RHD: variants seen among roughly 807,000 people sequenced by gnomAD.
RHD encodes the protein blood group Rh(D) polypeptide.
In RHD, 16 loss-of-function variants were observed where a neutral mutation model predicts 45.5. The observed-to-expected ratio is 0.35, with a 90% confidence interval of 0.24 to 0.53. The LOEUF (loss-of-function observed/expected upper bound fraction) is 0.53, where lower values mean the gene tolerates loss of function less well. Ranked by LOEUF, RHD falls within the 20% of genes least tolerant of loss-of-function variation. RHD has a pLI of 0.92. For synonymous variants in RHD, 131 were observed against 217.5 expected, an observed-to-expected ratio of 0.60 and a Z score of 3.50; for missense variants, 306 against 532.0, an observed-to-expected ratio of 0.58 and a Z score of 4.18.
At chr1:25,320,089 G>T (rs1389216138) in intron 8 of RHD, among the ~76,000 whole-genome samples, 1 of 130,750 alleles carries the variant, frequency 7.6e-6, no homozygotes, top group African/African-American at 2.6e-5. Context: ...GTAGAGACAG[G>T]GTTTCTCCAT....
chr1:25,303,879 C>G lies in RHD; in HGVS notation c.939+420C>G, dbSNP rs1322809219. On this transcript the variant is annotated intron_variant, in intron 6 of 9. Transcript: ENST00000328664. ...GTAGTCTTTTGCTTCAAGAAAGCAG[C>G]CTGGTGGATGGAATCTCTTGGCCCC... Among the ~76,000 whole-genome samples the G allele has an allele frequency of 1.6e-5, 2 of 123,082 alleles. 1 individual carries two copies. The highest frequency in any genetic ancestry group is 3.8e-5 in the Non-Finnish European group (2 of 52,402). The allele number at this position is 123,082 out of a possible 152,430, so 80.7% of individuals were successfully genotyped here.
Position 25,291,157 on chromosome 1 carries a change from T to TAGAC in RHD, c.486+369_486+370insCAGA, listed in dbSNP as rs1490320344. ...ATAGGTAGGTGGATAGACAGATAGA[T>TAGAC]AGATAGACAGACAGACAGACAGACA... On this transcript the variant is annotated intron_variant, in intron 3 of 9. Coordinates refer to ENST00000328664, the MANE Select transcript of RHD (RefSeq NM_016124.6). 3.3e-5 allele frequency among the ~76,000 whole-genome samples: 4 copies of TAGAC among 121,806 alleles called. 1 individual carries two copies. Among genetic ancestry groups the TAGAC allele is most frequent in the African/African-American group, 1.3e-4 (4 of 31,700 alleles). 79.9% of individuals were successfully genotyped at this position (121,806 alleles called of 152,430 possible).
intron 7 of RHD, among the ~76,000 whole-genome samples, chr1:25,314,507 T>C (rs1644331225): frequency 7.5e-6 from 1 of 132,652 alleles, no homozygotes; most frequent in Non-Finnish European, 1.8e-5. Flanking sequence ...TCTTTCTTTC[T>C]TTTTGAAACA....
In RHD at chr1:25,274,760, A is replaced by T. The variant is rs1394004308; in HGVS notation, c.148+2065A>T. Among the ~76,000 whole-genome samples the T allele has an allele frequency of 2.2e-5, 3 of 134,216 alleles. 1 individual carries two copies. Among genetic ancestry groups the T allele is most frequent in the African/African-American group, 7.6e-5 (3 of 39,422 alleles). 88.1% of individuals were successfully genotyped at this position (134,216 alleles called of 152,430 possible). ...CGTGGCTCACGCCTGTAATCCCGGC[A>T]CATTGGGAGGCCAAGGCTGGAGAAT... is the stretch of plus-strand genomic sequence containing the variant. On this transcript the variant is annotated intron_variant, in intron 1 of 9. Transcript: ENST00000328664.
rs1196515708 is a variant in RHD, at chr1:25,293,198, TGGA to T, written c.486+2412_486+2414del. ...TTTGCTATAAAGGGGAACAGAGAAATGGAGGAGAAGCAGGAGGGCAATAATCCG... is the reference window on the plus strand; with the variant it reads ...TTTGCTATAAAGGGGAACAGAGAAATGGAGAAGCAGGAGGGCAATAATCCG... On this transcript the variant is annotated intron_variant, in intron 3 of 9. Transcript: ENST00000328664. 2.3e-5 allele frequency among the ~76,000 whole-genome samples: 3 copies of T among 128,974 alleles called. 1 individual carries two copies. The highest frequency in any genetic ancestry group is 5.5e-5 in the Non-Finnish European group (3 of 54,882). 84.6% of individuals were successfully genotyped at this position (128,974 alleles called of 152,430 possible). A position where few individuals can be genotyped will look rare whatever the true frequency, so the allele number is the denominator to read the frequency against.
chr1:25,310,158 G>T (rs1644063965), intron 7 of RHD, among the ~76,000 whole-genome samples: 1 of 132,580 alleles, frequency 7.5e-6, no homozygotes, highest in African/African-American at 2.5e-5. Context: ...AGTCAGTTTT[G>T]TCTGTTTTTG....
At chr1:25,296,614 C>A (rs72660911) in intron 3 of RHD, among the ~76,000 whole-genome samples, 1,362 of 131,614 alleles carry the variant, frequency 0.01, 372 homozygotes, top group Non-Finnish European at 0.02. Context: ...GTAATCCCCA[C>A]GTGTTGAGGG....
intron 7 of RHD, among the ~76,000 whole-genome samples, chr1:25,315,404 T>C (rs1470670000): frequency 7.7e-6 from 1 of 129,782 alleles, no homozygotes; most frequent in African/African-American, 2.7e-5. Context: ...GCTGCCTGAA[T>C]GGTTGGGCAG....
chr1:25,290,486 C>T (rs1347931245), intron 2 of RHD, among the ~76,000 whole-genome samples, 155 bp from the exon 3 acceptor site: 1 of 129,912 alleles, frequency 7.7e-6, no homozygotes, highest in African/African-American at 2.6e-5. Flanking sequence ...GCAGCATCAG[C>T]GCCCAGGTGG....
chr1:25,310,529 A>G (rs1484522487), intron 7 of RHD, among the ~76,000 whole-genome samples: 1 of 131,432 alleles, frequency 7.6e-6, no homozygotes, highest in African/African-American at 2.6e-5. Flanking sequence ...ATAGCAACAG[A>G]ATATGGACAA....
At position 25,274,866 on chromosome 1, in the gene RHD, G is replaced by T. The variant is rs1290889293; in HGVS notation, c.148+2171G>T. On this transcript the variant is annotated intron_variant, in intron 1 of 9. Coordinates refer to ENST00000328664, the MANE Select transcript of RHD (RefSeq NM_016124.6). ...TACTAAAATTATAAAAACTGGCTGG[G>T]TGTGGTGGCACACGTCTATAATCCG... is the stretch of plus-strand genomic sequence containing the variant. Among the ~76,000 whole-genome samples the T allele has an allele frequency of 3.1e-5, 4 of 129,466 alleles. 1 individual carries two copies. Among genetic ancestry groups the T allele is most frequent in the African/African-American group, 1.1e-4 (4 of 38,054 alleles). The allele number at this position is 129,466 out of a possible 152,430, so 84.9% of individuals were successfully genotyped here. A position where few individuals can be genotyped will look rare whatever the true frequency, so the allele number is the denominator to read the frequency against.
At chr1:25,305,883 T>A (rs1273450346) in intron 6 of RHD, among the ~76,000 whole-genome samples, 1 of 131,492 alleles carries the variant, frequency 7.6e-6, no homozygotes, top group South Asian at 2.3e-4. Flanking sequence ...ATTACAGGCA[T>A]GAGCCACCGT....
At position 25,299,065 on chromosome 1, in the gene RHD, A is replaced by G. The variant is rs1315770423; in HGVS notation, c.487-1881A>G. ...CCACGCTGTTTAGAATTGTCAGCAC[A>G]TGGTGATAAAAAAAAAAAAAAAAAA... On this transcript the variant is annotated intron_variant, in intron 3 of 9. Transcript: ENST00000328664. 2.1e-5 allele frequency among the ~76,000 whole-genome samples: 2 copies of G among 96,050 alleles called. 1 individual carries two copies. Among genetic ancestry groups the G allele is most frequent in the African/African-American group, 7.2e-5 (2 of 27,854 alleles). The allele number at this position is 96,050 out of a possible 152,430, so 63.0% of individuals were successfully genotyped here. A position where few individuals can be genotyped will look rare whatever the true frequency, so the allele number is the denominator to read the frequency against.
chr1:25,319,751 A>G lies in RHD; in HGVS notation c.1154-2138A>G, dbSNP rs1469123106. Among the ~76,000 whole-genome samples the G allele has an allele frequency of 5.3e-5, 7 of 132,618 alleles. 2 individuals carry two copies. The highest frequency in any genetic ancestry group is 5.4e-5 in the Non-Finnish European group (3 of 55,904). 87.0% of individuals were successfully genotyped at this position (132,618 alleles called of 152,430 possible). On this transcript the variant is annotated intron_variant, in intron 8 of 9. Coordinates refer to ENST00000328664, the MANE Select transcript of RHD (RefSeq NM_016124.6). ...ATGGGCCTGTCTGTATTTATTTAAG[A>G]AACAATCCTATCAAGCATAGTTATT...
chr1:25,289,032 C>T (rs1021855434), intron 2 of RHD, among the ~76,000 whole-genome samples: 2 of 133,648 alleles, frequency 1.5e-5, no homozygotes, highest in African/African-American at 5.1e-5. Flanking sequence ...AAGCTGAGTC[C>T]AGACTTCAGA....
At chr1:25,299,774 C>T (rs543819967) in intron 3 of RHD, among the ~76,000 whole-genome samples, 1 of 131,728 alleles carries the variant, frequency 7.6e-6, no homozygotes, top group South Asian at 2.3e-4. Context: ...TTATTTGACG[C>T]AGTGTCACTC....
At position 25,321,979 on chromosome 1, in the gene RHD, A is replaced by G. The variant is rs1346268786; in HGVS notation, c.1227+17A>G. 8.5e-7 allele frequency: 1 copy of G among 1,179,058 alleles called. No homozygotes were observed. The highest frequency in any genetic ancestry group is 1.3e-6 in the Non-Finnish European group (1 of 796,930). The allele number at this position is 1,179,058 out of a possible 1,614,324, so 73.0% of individuals were successfully genotyped here. ...TTCTGGAAGGTAAGATTTTTCACCT[A>G]TTAACGTGATAGATTTTGAGTGCAT... On this transcript the variant is annotated intron_variant, in intron 9 of 9. Coordinates refer to ENST00000328664, the MANE Select transcript of RHD (RefSeq NM_016124.6).
chr1:25,307,254 T>C (rs658425), intron 7 of RHD, among the ~76,000 whole-genome samples: 1 of 132,164 alleles, frequency 7.6e-6, no homozygotes, highest in African/African-American at 2.6e-5. Context: ...GGGTGGGCCT[T>C]GGCTGAGGTC....
chr1:25,329,237 G>GGT lies in RHD; in HGVS notation c.*313_*314insGT. The GGT allele has an allele frequency of 8.6e-6, 2 of 232,392 alleles. No homozygotes were observed. Among genetic ancestry groups the GGT allele is most frequent in the South Asian group, 6.1e-5 (2 of 32,688 alleles). The allele number at this position is 232,392 out of a possible 1,614,324, so 14.4% of individuals were successfully genotyped here. On this transcript the variant is annotated 3_prime_UTR_variant, in exon 10 of 10. Transcript: ENST00000328664. ...TAAGGTTAATTTATTATTATTCCTT[G>GGT]TTTTTTTTTTTTTTTTTTTTTTTTT...
Sources: allele counts gnomAD v4.1 joint callset (sites outside exome capture counted in the v4.1 genomes callset), GRCh38; gene constraint gnomAD v4.1.1; transcripts MANE v1.5; gene names NCBI Gene and HGNC (gene_info 2026-07-23, HGNC 2026-07-21).